DCLK3: variants seen among roughly 807,000 people sequenced by gnomAD.
DCLK3 encodes the protein serine/threonine-protein kinase DCLK3.
In DCLK3, 30 loss-of-function variants were observed where a neutral mutation model predicts 46.4. The ratio of observed to expected loss-of-function variants is 0.65; its 90% CI spans 0.48 to 0.88. DCLK3 has a LOEUF of 0.88. Among genes scored for constraint, DCLK3 ranks in the 40% least tolerant of loss-of-function variants. The pLI, the probability that DCLK3 is intolerant of heterozygous loss-of-function variation, is 0.00. For missense variants in DCLK3, 846 were observed against 907.1 expected, an observed-to-expected ratio of 0.93 and a Z score of 0.87; for synonymous variants, 401 against 339.2, an observed-to-expected ratio of 1.18 and a Z score of -2.00.
intron 2 of DCLK3, among the ~76,000 whole-genome samples, chr3:36,723,324 A>T (rs908881808): frequency 6.6e-6 from 1 of 152,212 alleles, no homozygotes; most frequent in African/African-American, 2.4e-5. Flanking sequence ...AGAGCACAAA[A>T]GTTTGGAAAA....
chr3:36,756,044 TG>T (rs1701482083), intron 1 of DCLK3, among the ~76,000 whole-genome samples: 1 of 152,132 alleles, frequency 6.6e-6, no homozygotes, highest in South Asian at 2.1e-4. Context: ...AAAAGATTCC[TG>T]GGTTGGTCTC....
intron 1 of DCLK3, among the ~76,000 whole-genome samples, chr3:36,741,836 T>A (rs1397332154): frequency 6.6e-6 from 1 of 152,122 alleles, no homozygotes; most frequent in East Asian, 1.9e-4. Context: ...AAAGGTGTTA[T>A]AGGAGGGAAG....
intron 1 of DCLK3, among the ~76,000 whole-genome samples, chr3:36,762,185 CT>C (rs1559396271): frequency 6.6e-6 from 1 of 152,196 alleles, no homozygotes; most frequent in Admixed American, 6.5e-5. Context: ...GGGGATCCAT[CT>C]GCCCAGAAGG....
At position 36,730,229 on chromosome 3, in the gene DCLK3, A is replaced by C. The variant is rs987568073; in HGVS notation, c.1959+6979T>G. 2.6e-4 allele frequency among the ~76,000 whole-genome samples: 38 copies of C among 143,412 alleles called. No individual in the cohort carries two copies. The East Asian group carries it at 5.8e-3, about 22-fold the overall frequency. The allele number at this position is 143,412 out of a possible 152,430, so 94.1% of individuals were successfully genotyped here. On this transcript the variant is annotated intron_variant, in intron 2 of 4. Coordinates refer to ENST00000636136, the MANE Select transcript of DCLK3 (RefSeq NM_001394672.2). ...ACACACACACACACACACACACACA[A>C]ACACATAAACATACCATAATACAAA...
intron 1 of DCLK3, among the ~76,000 whole-genome samples, chr3:36,757,998 C>T (rs576669267): frequency 1.3e-5 from 2 of 152,242 alleles, no homozygotes; most frequent in South Asian, 4.2e-4. Flanking sequence ...TGCAAGCCTC[C>T]CCAGATTCTG....
chr3:36,759,157 C>A (rs887404534), intron 1 of DCLK3, among the ~76,000 whole-genome samples: 4 of 152,158 alleles, frequency 2.6e-5, no homozygotes, highest in Admixed American at 6.5e-5. Context: ...AAGGAATTCC[C>A]ATATTACTCT....
At chr3:36,736,955 T>A (rs1213739853) in intron 2 of DCLK3, among the ~76,000 whole-genome samples, 2 of 152,194 alleles carry the variant, frequency 1.3e-5, no homozygotes, top group Admixed American at 1.3e-4. Flanking sequence ...AGCATTTTTC[T>A]CCCAGAGATG....
chr3:36,718,231 G>C (rs750016832), intron 3 of DCLK3, 54 bp from the exon 4 acceptor site: 104 of 1,607,468 alleles, frequency 6.5e-5, no homozygotes, highest in Non-Finnish European at 8.4e-5. Flanking sequence ...CAGGGTCAAA[G>C]GTGATGAAAT....
Sources: allele counts gnomAD v4.1 joint callset (sites outside exome capture counted in the v4.1 genomes callset), GRCh38; gene constraint gnomAD v4.1.1; transcripts MANE v1.5; gene names NCBI Gene and HGNC (gene_info 2026-07-23, HGNC 2026-07-21).